Variants in KCTD8 observed in about 807,000 individuals in gnomAD.
The protein encoded by KCTD8 is potassium channel tetramerization domain containing 8.
A neutral mutation model predicts 31.5 loss-of-function variants in KCTD8; 27 were observed. That is an observed-to-expected ratio of 0.86 (90% confidence interval 0.63 to 1.18). The LOEUF (loss-of-function observed/expected upper bound fraction) is 1.18. Ranked by LOEUF, KCTD8 falls within the 50% of genes most tolerant of loss-of-function variation. KCTD8 has a pLI of 0.00. For missense variants in KCTD8, 658 were observed against 647.7 expected, an observed-to-expected ratio of 1.02 and a Z score of -0.17; for synonymous variants, 290 against 280.0, an observed-to-expected ratio of 1.04 and a Z score of -0.36.
At chr4:44,334,415 GT>G (rs5857954) in intron 1 of KCTD8, among the ~76,000 whole-genome samples, 5 of 151,556 alleles carry the variant, frequency 3.3e-5, no homozygotes, top group South Asian at 2.1e-4. Flanking sequence ...ATCCTCGCTA[GT>G]TTTTTTATGT....
chr4:44,349,071 G>GCCACCACCACCACCACCACCACCA (rs200999276), intron 1 of KCTD8, among the ~76,000 whole-genome samples: 29 of 136,698 alleles, frequency 2.1e-4, no homozygotes, highest in Middle Eastern at 3.3e-3. Flanking sequence ...CGCTGCCACC[G>GCCACCACCACCACCACCACCACCA]CCACCACCAC....
chr4:44,193,560 G>T (rs2109335826), intron 1 of KCTD8, among the ~76,000 whole-genome samples: 1 of 151,828 alleles, frequency 6.6e-6, no homozygotes, highest in South Asian at 2.1e-4. Flanking sequence ...GGATAAAAAT[G>T]TGCTTAACTA....
intron 1 of KCTD8, among the ~76,000 whole-genome samples, chr4:44,334,707 C>G (rs889595270): frequency 7.2e-5 from 11 of 151,960 alleles, no homozygotes; most frequent in African/African-American, 2.7e-4. Flanking sequence ...AGGATATAAA[C>G]TAATGTACAT....
At chr4:44,295,777 C>A (rs1019545697) in intron 1 of KCTD8, among the ~76,000 whole-genome samples, 1 of 152,164 alleles carries the variant, frequency 6.6e-6, no homozygotes, top group Non-Finnish European at 1.5e-5. Flanking sequence ...GAGGCTCCAT[C>A]TCCCAACACT....
chr4:44,317,409 T>A (rs1195009150), intron 1 of KCTD8, among the ~76,000 whole-genome samples: 1 of 143,696 alleles, frequency 7.0e-6, no homozygotes, highest in Non-Finnish European at 1.5e-5. Flanking sequence ...CCGGCTAATT[T>A]TTTGTATTTT....
chr4:44,222,546 G>A (rs1215865524), intron 1 of KCTD8, among the ~76,000 whole-genome samples: 1 of 152,180 alleles, frequency 6.6e-6, no homozygotes, highest in African/African-American at 2.4e-5. Flanking sequence ...TGCAAAATGT[G>A]AGCTGCCACA....
chr4:44,335,504 T>TG (rs1718715911), intron 1 of KCTD8, among the ~76,000 whole-genome samples: 1 of 152,112 alleles, frequency 6.6e-6, no homozygotes, highest in Admixed American at 6.5e-5. Context: ...CAGGAGTTGT[T>TG]GGGGTGTTGG....
At chr4:44,200,283 G>T (rs989725632) in intron 1 of KCTD8, among the ~76,000 whole-genome samples, 5 of 151,424 alleles carry the variant, frequency 3.3e-5, no homozygotes, top group African/African-American at 7.3e-5. Flanking sequence ...TACCAAGAAG[G>T]AGGGGCTCCT....
At chr4:44,302,270 T>C (rs1717649621) in intron 1 of KCTD8, among the ~76,000 whole-genome samples, 1 of 152,164 alleles carries the variant, frequency 6.6e-6, no homozygotes, top group African/African-American at 2.4e-5. Flanking sequence ...CATTGGTAGC[T>C]TGATGCGGAT....
At chr4:44,440,277 ATGTG>A (rs937455416) in intron 1 of KCTD8, among the ~76,000 whole-genome samples, 1 of 152,080 alleles carries the variant, frequency 6.6e-6, no homozygotes, top group Non-Finnish European at 1.5e-5. Context: ...GTGCACCTTT[ATGTG>A]TGTGTTTCCA....
At chr4:44,353,035 A>ATC (rs1719254168) in intron 1 of KCTD8, among the ~76,000 whole-genome samples, 1 of 152,148 alleles carries the variant, frequency 6.6e-6, no homozygotes, top group Non-Finnish European at 1.5e-5. Flanking sequence ...TTTGGCAAAT[A>ATC]TCTACATGTA....
At chr4:44,272,086 G>A (rs886526553) in intron 1 of KCTD8, among the ~76,000 whole-genome samples, 1 of 148,338 alleles carries the variant, frequency 6.7e-6, no homozygotes, top group African/African-American at 2.6e-5. Flanking sequence ...TCAACACATA[G>A]TAGAGGTCCA....
At chr4:44,424,667 T>G (rs957706239) in intron 1 of KCTD8, among the ~76,000 whole-genome samples, 1 of 152,008 alleles carries the variant, frequency 6.6e-6, no homozygotes, top group Admixed American at 6.6e-5. Flanking sequence ...GTCACATGAA[T>G]GTTTCCCTAA....
chr4:44,237,033 T>C (rs967771731), intron 1 of KCTD8, among the ~76,000 whole-genome samples: 3 of 152,190 alleles, frequency 2.0e-5, no homozygotes, highest in Admixed American at 2.0e-4. Context: ...TAAACCTGTT[T>C]TTCTTTTTAA....
chr4:44,386,789 C>T (rs1353139958), intron 1 of KCTD8, among the ~76,000 whole-genome samples: 2 of 151,586 alleles, frequency 1.3e-5, no homozygotes, highest in Admixed American at 6.6e-5. Context: ...AAAGAGATAT[C>T]GGCACTCCTA....
Position 44,232,512 on chromosome 4 carries a change from G to A in KCTD8, c.962-57262C>T, listed in dbSNP as rs533114069. Among the ~76,000 whole-genome samples, 16 of 152,188 alleles carry A rather than the reference G, an allele frequency of 1.1e-4. No individual in the cohort carries two copies. The South Asian group carries it at 3.1e-3, about 30-fold the overall frequency. ...GCTATACAAGTCATTAGAGCACTTCGGTTTTCAAGGTAGCTGCATAGCCTA... is the reference window on the plus strand; with the variant it reads ...GCTATACAAGTCATTAGAGCACTTCAGTTTTCAAGGTAGCTGCATAGCCTA... On this transcript the variant is annotated intron_variant, in intron 1 of 1. Transcript: ENST00000360029.
intron 1 of KCTD8, among the ~76,000 whole-genome samples, chr4:44,237,281 G>A (rs1226970990): frequency 6.6e-6 from 1 of 152,026 alleles, no homozygotes; most frequent in East Asian, 1.9e-4. Context: ...GAGGAGGAAT[G>A]ACATCTGACT....
At chr4:44,397,132 A>G (rs533687424) in intron 1 of KCTD8, among the ~76,000 whole-genome samples, 2 of 152,320 alleles carry the variant, frequency 1.3e-5, no homozygotes, top group South Asian at 4.1e-4. Flanking sequence ...CTAGATTGCT[A>G]GATTATGAAT....
rs1355701707 is a variant in KCTD8, at chr4:44,302,280, T to C, written c.962-127030A>G. Among the ~76,000 whole-genome samples, 4 of 152,156 alleles carry C rather than the reference T, an allele frequency of 2.6e-5. No homozygotes were observed. In the East Asian group the frequency reaches 5.8e-4, roughly 22 times the overall value. On this transcript the variant is annotated intron_variant, in intron 1 of 1. Transcript: ENST00000360029. Reference sequence around the variant, plus strand: ...AAAGTCATTGGTAGCTTGATGCGGATGGCATTGAATCTATAAATTACCTTG... The same window carrying C: ...AAAGTCATTGGTAGCTTGATGCGGACGGCATTGAATCTATAAATTACCTTG...
Sources: gnomAD v4.1 joint callset for allele counts (sites outside exome capture counted in the v4.1 genomes callset) on GRCh38, gnomAD v4.1.1 for gene constraint, MANE v1.5 for transcripts, NCBI Gene and HGNC (gene_info 2026-07-23, HGNC 2026-07-21) for gene names.